SNX8: variants seen among roughly 807,000 people sequenced by gnomAD.
SNX8 encodes the protein sorting nexin-8.
A neutral mutation model predicts 51.6 loss-of-function variants in SNX8; 25 were observed. The ratio of observed to expected loss-of-function variants is 0.48; its 90% CI spans 0.35 to 0.68. The LOEUF (loss-of-function observed/expected upper bound fraction) is 0.68, where lower values mean the gene tolerates loss of function less well. Ranked by LOEUF, SNX8 falls within the 30% of genes least tolerant of loss-of-function variation. The probability of loss-of-function intolerance (pLI) is 0.00; values close to 1 mark genes in which losing one functional copy is unlikely to be tolerated. For missense variants in SNX8, 695 were observed against 624.0 expected (o/e 1.11, Z -1.21); for synonymous variants, 324 against 277.0 (o/e 1.17, Z -1.68).
At chr7:2,264,562 G>A in intron 5 of SNX8, 104 bp from the exon 6 acceptor site, 2 of 1,109,552 alleles carry the variant, frequency 1.8e-6, no homozygotes. Flanking sequence ...AGACACAGCA[G>A]GTCCATGAGC....
chr7:2,338,463 A>G lies in SNX8; in HGVS notation c.-66+15759T>C, dbSNP rs1583123062. Among the ~76,000 whole-genome samples, 5 of 47,456 alleles carry G rather than the reference A, an allele frequency of 1.1e-4. No homozygotes were observed. In the South Asian group the frequency reaches 5.7e-3, roughly 54 times the overall value. 31.1% of individuals were successfully genotyped at this position (47,456 alleles called of 152,430 possible). A position where few individuals can be genotyped will look rare whatever the true frequency, so the allele number is the denominator to read the frequency against. Reference sequence around the variant, plus strand: ...GGCGACAGAGAGAGACTGTGTCTCAAAAAAAAAAAAAAAATACAAAAAATT... The same window carrying G: ...GGCGACAGAGAGAGACTGTGTCTCAGAAAAAAAAAAAAAATACAAAAAATT... On this transcript the variant is annotated intron_variant, in intron 1 of 5. Transcript: ENST00000435336.
At chr7:2,326,447 C>T (rs553942966) in intron 1 of SNX8, among the ~76,000 whole-genome samples, 4 of 151,982 alleles carry the variant, frequency 2.6e-5, no homozygotes, top group African/African-American at 7.2e-5. Flanking sequence ...GGGCAGATCA[C>T]GAGGTCAGGA....
At chr7:2,318,664 C>T (rs2115221849), upstream of SNX8, among the ~76,000 whole-genome samples, 1 of 151,214 alleles carries the variant, frequency 6.6e-6, no homozygotes, top group Non-Finnish European at 1.5e-5. Flanking sequence ...CATTGTACTC[C>T]AGCTTGGGCG....
chr7:2,298,929 G>C (rs538315732), intron 1 of SNX8, among the ~76,000 whole-genome samples: 13 of 152,266 alleles, frequency 8.5e-5, no homozygotes, highest in Admixed American at 8.5e-4. Context: ...CTGACCTCAA[G>C]TGATCCTCCC....
intron 4 of SNX8, among the ~76,000 whole-genome samples, chr7:2,271,080 G>A (rs886222729): frequency 1.3e-5 from 2 of 152,188 alleles, no homozygotes; most frequent in Non-Finnish European, 2.9e-5. Context: ...GTCTCACTCT[G>A]TCGCCCAGGC....
At chr7:2,340,417 G>T (rs2115244683) in intron 1 of SNX8, among the ~76,000 whole-genome samples, 1 of 151,644 alleles carries the variant, frequency 6.6e-6, no homozygotes, top group South Asian at 2.1e-4. Flanking sequence ...GAGTGGGAAA[G>T]GGTTTTTTTT....
At position 2,272,000 on chromosome 7, in the gene SNX8, G is replaced by C. The variant is rs989127709; in HGVS notation, c.419-29C>G. 2.5e-6 allele frequency: 4 copies of C among 1,612,586 alleles called. No individual in the cohort carries two copies. In the African/African-American group the frequency reaches 5.3e-5, roughly 22 times the overall value. ...GAGGAGCACACGGGGTCACTGGACA[G>C]AGTCCAGGGCGCCGGCCCCCATCTT... is the stretch of plus-strand genomic sequence containing the variant. On this transcript the variant is annotated intron_variant, in intron 3 of 10. Coordinates refer to ENST00000222990, the MANE Select transcript of SNX8 (RefSeq NM_013321.4).
chr7:2,320,058 T>C (rs995638994), intron 1 of SNX8, among the ~76,000 whole-genome samples: 3 of 152,004 alleles, frequency 2.0e-5, no homozygotes, highest in Non-Finnish European at 4.4e-5. Context: ...TATTGTATTT[T>C]TACATTTTAC....
intron 1 of SNX8, among the ~76,000 whole-genome samples, chr7:2,345,857 A>G (rs1779012910): frequency 6.6e-6 from 1 of 151,920 alleles, no homozygotes; most frequent in South Asian, 2.1e-4. Flanking sequence ...GCCCAGGCTG[A>G]AGTGCAGTGG....
At chr7:2,255,465 G>A (rs756595993) in intron 10 of SNX8, among the ~76,000 whole-genome samples, 7 of 152,244 alleles carry the variant, frequency 4.6e-5, no homozygotes, top group African/African-American at 1.2e-4. Context: ...TTACTATCGC[G>A]TCACTGCCAG....
At chr7:2,288,821 C>T (rs750099647) in intron 1 of SNX8, among the ~76,000 whole-genome samples, 13 of 152,156 alleles carry the variant, frequency 8.5e-5, no homozygotes, top group Non-Finnish European at 1.6e-4. Flanking sequence ...GTAGCCTTGA[C>T]GTCCCCGGCT....
intron 1 of SNX8, among the ~76,000 whole-genome samples, chr7:2,346,259 T>C (rs986555707): frequency 5.3e-4 from 19 of 35,724 alleles, no homozygotes; most frequent in Non-Finnish European, 8.5e-4. Flanking sequence ...TGAGCTCACA[T>C]AGTGAGACCC....
chr7:2,329,991 C>A (rs796435793), intron 1 of SNX8, among the ~76,000 whole-genome samples: 1 of 125,974 alleles, frequency 7.9e-6, no homozygotes, highest in Admixed American at 9.3e-5. Context: ...CATGCCACCA[C>A]GGCTAATTTT....
At chr7:2,314,558 G>T, upstream of SNX8, 2 of 891,710 alleles carry the variant, frequency 2.2e-6, no homozygotes, top group Non-Finnish European at 1.4e-6. Context: ...CCGCCCCTGC[G>T]GGCCCGCCGC....
chr7:2,308,438 C>T (rs938319957), intron 1 of SNX8, among the ~76,000 whole-genome samples: 44 of 151,906 alleles, frequency 2.9e-4, no homozygotes, highest in African/African-American at 8.5e-4. Flanking sequence ...GAGGCTGCAG[C>T]GGGCGGATCA....
chr7:2,309,510 T>C (rs10479969), intron 1 of SNX8, among the ~76,000 whole-genome samples: 13,352 of 151,792 alleles, frequency 0.088, 1,567 homozygotes, highest in African/African-American at 0.27. Context: ...GGTGGGCAGA[T>C]CACCTGAGGT....
At chr7:2,257,609 G>A (rs1388423433) in intron 8 of SNX8, 95 bp from the exon 9 acceptor site, 9 of 1,563,790 alleles carry the variant, frequency 5.8e-6, no homozygotes, top group Non-Finnish European at 7.0e-6. Context: ...CAGACGGAAG[G>A]CCCCGTCTTC....
chr7:2,294,379 G>A (rs1796224334), intron 1 of SNX8, among the ~76,000 whole-genome samples: 1 of 152,190 alleles, frequency 6.6e-6, no homozygotes. Context: ...CACCAGTACT[G>A]GCAAGGACTT....
chr7:2,321,109 C>G (rs1322615474), intron 1 of SNX8, among the ~76,000 whole-genome samples: 1 of 152,196 alleles, frequency 6.6e-6, no homozygotes, highest in Non-Finnish European at 1.5e-5. Context: ...GACAAGGTCT[C>G]TGTCCTGCAA....
Sources: gnomAD v4.1 joint callset for allele counts (sites outside exome capture counted in the v4.1 genomes callset) on GRCh38, gnomAD v4.1.1 for gene constraint, MANE v1.5 for transcripts, NCBI Gene and HGNC (gene_info 2026-07-23, HGNC 2026-07-21) for gene names.